KALRN: variants seen among roughly 807,000 people sequenced by gnomAD.
KALRN encodes kalirin.
Under a neutral mutation model 353.7 loss-of-function variants are expected in KALRN, and 70 were observed. The ratio of observed to expected loss-of-function variants is 0.20; its 90% CI spans 0.16 to 0.24. The LOEUF (loss-of-function observed/expected upper bound fraction) is 0.24. Ranked by LOEUF, KALRN falls within the 10% of genes least tolerant of loss-of-function variation. The probability of loss-of-function intolerance (pLI) is 1.00; values close to 1 mark genes in which losing one functional copy is unlikely to be tolerated. For missense variants in KALRN, 2,791 were observed against 3,756.7 expected (o/e 0.74, Z 6.72); for synonymous variants, 1,391 against 1,434.8 (o/e 0.97, Z 0.69).
chr3:124,721,841 C>G lies in KALRN; in HGVS notation c.*2371C>G, dbSNP rs1214561762. 1.3e-5 allele frequency: 2 copies of G among 152,258 alleles called. No homozygotes were observed. The highest frequency in any genetic ancestry group is 4.8e-5 in the African/African-American group (2 of 41,428). 9.4% of individuals were successfully genotyped at this position (152,258 alleles called of 1,614,324 possible). A position where few individuals can be genotyped will look rare whatever the true frequency, so the allele number is the denominator to read the frequency against. On this transcript the variant is annotated 3_prime_UTR_variant, in exon 60 of 60. Transcript: ENST00000682506. ...GGCGTAGTGGCGGGCACTCGTAATC[C>G]CAGCGACTTGGGAGGCTGAGGCAGG...
At chr3:124,296,005 T>A (rs2076815901) in intron 5 of KALRN, among the ~76,000 whole-genome samples, 1 of 152,210 alleles carries the variant, frequency 6.6e-6, no homozygotes, top group Non-Finnish European at 1.5e-5. Context: ...ATAAATTCTC[T>A]GACACTCAGA....
intron 10 of KALRN, among the ~76,000 whole-genome samples, chr3:124,357,544 C>T (rs989399451): frequency 6.6e-6 from 1 of 152,178 alleles, no homozygotes; most frequent in African/African-American, 2.4e-5. Context: ...CCTGAGCATG[C>T]CATGCTCTCA....
At chr3:124,617,080 C>G (rs867741957) in intron 34 of KALRN, among the ~76,000 whole-genome samples, 2 of 151,992 alleles carry the variant, frequency 1.3e-5, no homozygotes, top group African/African-American at 4.8e-5. Context: ...GTCTGTAATC[C>G]TAGCACTTTG....
intron 33 of KALRN, among the ~76,000 whole-genome samples, chr3:124,548,439 C>A (rs569397414): frequency 6.6e-5 from 10 of 152,318 alleles, no homozygotes; most frequent in African/African-American, 2.4e-4. Flanking sequence ...ATCTCCCATA[C>A]TATCTAGCCC....
chr3:124,361,871 G>A (rs953366525), intron 10 of KALRN, among the ~76,000 whole-genome samples: 9 of 151,782 alleles, frequency 5.9e-5, no homozygotes, highest in South Asian at 2.1e-4. Flanking sequence ...TGGCAGCAGC[G>A]GTGGTGGGGA....
chr3:124,613,170 A>T (rs543145609), intron 34 of KALRN, among the ~76,000 whole-genome samples: 1 of 148,666 alleles, frequency 6.7e-6, no homozygotes, highest in South Asian at 2.2e-4. Flanking sequence ...CCAGATGTAT[A>T]GTATTTGGCA....
chr3:124,374,098 G>A (rs1193649450), intron 10 of KALRN, among the ~76,000 whole-genome samples: 1 of 152,166 alleles, frequency 6.6e-6, no homozygotes. Flanking sequence ...AACTTTGGGA[G>A]GTGATCAGTG....
Position 124,395,208 on chromosome 3 carries a change from A to G in KALRN, c.2036A>G (p.Gln679Arg), listed in dbSNP as rs1184266369. 6.2e-7 allele frequency: 1 copy of G among 1,613,418 alleles called. No homozygotes were observed. The change falls in exon 12 of 60, where the codon CAG (glutamine) becomes CGG (arginine). Residue 679 changes from glutamine to arginine, a missense_variant. By Grantham distance (43) the Gln-to-Arg change is conservative. Transcript: ENST00000682506. ...DVCADSVDAV[Q>R]ELIKQFQQQQ... ...TGTGCAGATTCTGTGGATGCAGTCC[A>G]GGAACTGATCAAGCAGTTCCAGCAG... is the stretch of plus-strand genomic sequence containing the variant.
intron 34 of KALRN, among the ~76,000 whole-genome samples, chr3:124,612,821 C>T (rs2078153886): frequency 6.6e-6 from 1 of 152,190 alleles, no homozygotes; most frequent in Non-Finnish European, 1.5e-5. Context: ...ATAGGAAGCA[C>T]TCAACAAGCA....
chr3:124,059,810 GA>G (rs2041854736), intron 1 of KALRN, among the ~76,000 whole-genome samples: 1 of 152,204 alleles, frequency 6.6e-6, no homozygotes, highest in Admixed American at 6.5e-5. Context: ...TTGAAACTGA[GA>G]GCTACTTTTT....
intron 1 of KALRN, chr3:124,153,198 T>G (rs1371874392): frequency 6.5e-6 from 1 of 152,814 alleles, no homozygotes; most frequent in African/African-American, 2.4e-5. Context: ...ACATGTGCCA[T>G]GCTGGTGTGC....
intron 34 of KALRN, among the ~76,000 whole-genome samples, chr3:124,577,093 C>A (rs2074184218): frequency 6.6e-6 from 1 of 152,078 alleles, no homozygotes; most frequent in African/African-American, 2.4e-5. Context: ...TCCTCTCTGT[C>A]CTCACAGAAG....
chr3:124,261,541 G>A (rs1344641205), intron 3 of KALRN, among the ~76,000 whole-genome samples: 2 of 152,178 alleles, frequency 1.3e-5, no homozygotes, highest in Non-Finnish European at 2.9e-5. Flanking sequence ...CATCTCCTGA[G>A]TTATTGAGAA....
chr3:124,706,562 CTTTTTTCTTTTTCTT>C (rs1419160753), intron 57 of KALRN, among the ~76,000 whole-genome samples: 2 of 145,762 alleles, frequency 1.4e-5, no homozygotes, highest in Non-Finnish European at 3.0e-5. Flanking sequence ...TTCTAAACAT[CTTTTTTCTTTTTCTT>C]TTTTTTTTTT....
At chr3:124,359,828 C>T (rs1444756) in intron 10 of KALRN, among the ~76,000 whole-genome samples, 12 of 152,146 alleles carry the variant, frequency 7.9e-5, no homozygotes, top group Middle Eastern at 6.8e-3. Context: ...TTCCAGGCAA[C>T]GCTGTTAAGT....
chr3:124,398,258 A>G (rs558139960), intron 12 of KALRN, among the ~76,000 whole-genome samples: 1 of 152,326 alleles, frequency 6.6e-6, no homozygotes, highest in East Asian at 1.9e-4. Flanking sequence ...TAAAACTAGG[A>G]AGATTTTTTT....
intron 56 of KALRN, among the ~76,000 whole-genome samples, chr3:124,700,504 TTTTTCAACATGGGTATAATTTTA>T: frequency 6.6e-6 from 1 of 152,316 alleles, no homozygotes; most frequent in Non-Finnish European, 1.5e-5. Flanking sequence ...CAGAATTTCT[TTTTTCAACATGGGTATAATTTTA>T]TGTAGATTTG....
chr3:124,440,746 A>G (rs896692308), intron 18 of KALRN, among the ~76,000 whole-genome samples: 3 of 152,118 alleles, frequency 2.0e-5, no homozygotes, highest in Non-Finnish European at 2.9e-5. Context: ...CAGTTTATCT[A>G]GAGATAATTT....
intron 33 of KALRN, among the ~76,000 whole-genome samples, chr3:124,500,137 G>A (rs975399413): frequency 6.6e-6 from 1 of 152,208 alleles, no homozygotes; most frequent in African/African-American, 2.4e-5. Flanking sequence ...TATGTGTCCA[G>A]TGCTGGCTCA....
Sources: gnomAD v4.1 joint callset for allele counts (sites outside exome capture counted in the v4.1 genomes callset) on GRCh38, gnomAD v4.1.1 for gene constraint, MANE v1.5 for transcripts, NCBI Gene and HGNC (gene_info 2026-07-23, HGNC 2026-07-21) for gene names.